The following SEPTIN2 variants were observed in gnomAD, a reference collection of about 807,000 sequenced individuals.
The protein encoded by SEPTIN2 is septin 2.
A neutral mutation model predicts 46.5 loss-of-function variants in SEPTIN2; 34 were observed. The observed-to-expected ratio is 0.73, with a 90% CI of 0.56 to 0.97. The LOEUF is 0.97. Ranked by LOEUF, SEPTIN2 falls within the 50% of genes least tolerant of loss-of-function variation. The probability of loss-of-function intolerance (pLI) is 0.00; values close to 1 mark genes in which losing one functional copy is unlikely to be tolerated. For missense variants in SEPTIN2, 347 were observed against 448.4 expected (o/e 0.77, Z 2.04); for synonymous variants, 175 against 153.4 (o/e 1.14, Z -1.04).
intron 2 of SEPTIN2, 76 bp downstream of exon 2, chr2:241,324,317 T>TA (rs1553679306): frequency 8.7e-7 from 1 of 1,152,974 alleles, no homozygotes; most frequent in Non-Finnish European, 1.3e-6. Flanking sequence ...AGTCGGGACT[T>TA]ATATGATTCA....
intron 3 of SEPTIN2, among the ~76,000 whole-genome samples, chr2:241,327,602 G>A (rs979189013): frequency 6.6e-6 from 1 of 150,844 alleles, no homozygotes; most frequent in African/African-American, 2.4e-5. Context: ...ACAAATACCA[G>A]GCAAAATAAA....
At chr2:241,324,382 AG>A in intron 2 of SEPTIN2, 141 bp downstream of exon 2, 1 of 609,286 alleles carries the variant, frequency 1.6e-6, no homozygotes, top group Non-Finnish European at 2.7e-6. Flanking sequence ...GTTCTAATTT[AG>A]TTGTCTTTTT....
rs1187679421 is a variant in SEPTIN2, at chr2:241,317,618, T to A, written c.-18+1636T>A. 4 of 949,352 alleles carry A rather than the reference T, an allele frequency of 4.2e-6. No homozygotes were observed. In the African/African-American group the frequency reaches 7.1e-5, roughly 17 times the overall value. The allele number at this position is 949,352 out of a possible 1,614,324, so 58.8% of individuals were successfully genotyped here. On this transcript the variant is annotated intron_variant, in intron 1 of 12. Transcript: ENST00000391971. ...AGGTGAGGTAAGGCCATTTGTATTG[T>A]CTGTTCTGTTAGTAGTCATACATGC...
chr2:241,326,179 A>G (rs2077933436), intron 3 of SEPTIN2, 66 bp downstream of exon 3: 4 of 1,468,362 alleles, frequency 2.7e-6, no homozygotes, highest in South Asian at 1.3e-5. Flanking sequence ...TCTCTGGAGT[A>G]TGATAACGTG....
Position 241,334,738 on chromosome 2 carries a change from A to G in SEPTIN2, c.131-388A>G, listed in dbSNP as rs567780822. 2.6e-5 allele frequency among the ~76,000 whole-genome samples: 4 copies of G among 152,348 alleles called. No homozygotes were observed. The South Asian group carries it at 8.3e-4, about 32-fold the overall frequency. Reference sequence around the variant, plus strand: ...GATAGATATGTTCAGTTTTCTGAAAATGTGGTGAGTTTAGTGACTAGCAGA... The same window carrying G: ...GATAGATATGTTCAGTTTTCTGAAAGTGTGGTGAGTTTAGTGACTAGCAGA... On this transcript the variant is annotated intron_variant, in intron 3 of 12. Transcript: ENST00000391971.
At chr2:241,330,482 CAT>C (rs1394408220) in intron 3 of SEPTIN2, among the ~76,000 whole-genome samples, 1 of 152,128 alleles carries the variant, frequency 6.6e-6, no homozygotes, top group African/African-American at 2.4e-5. Flanking sequence ...GTTGGAAAGT[CAT>C]AACACTACGT....
At chr2:241,345,848 C>G (rs2060183583) in intron 9 of SEPTIN2, among the ~76,000 whole-genome samples, 1 of 152,168 alleles carries the variant, frequency 6.6e-6, no homozygotes. Flanking sequence ...ACCTGAAAAT[C>G]TCTTAAAATC....
chr2:241,338,831 T>TACATATTATATTTATATTATTTATATATA (rs2080700866), intron 7 of SEPTIN2, among the ~76,000 whole-genome samples: 8 of 99,314 alleles, frequency 8.1e-5, no homozygotes, highest in South Asian at 2.4e-4. Flanking sequence ...TTATATATAA[T>TACATATTATATTTATATTATTTATATATA]ATATATAATA....
intron 9 of SEPTIN2, among the ~76,000 whole-genome samples, chr2:241,345,332 T>G (rs1318846070): frequency 2.0e-5 from 3 of 152,176 alleles, no homozygotes; most frequent in Non-Finnish European, 2.9e-5. Flanking sequence ...AATTTAATGG[T>G]TGTGTAAGAA....
intron 7 of SEPTIN2, among the ~76,000 whole-genome samples, chr2:241,338,695 T>A (rs1471371397): frequency 1.7e-5 from 2 of 116,644 alleles, no homozygotes; most frequent in South Asian, 4.6e-4. Context: ...ATGTAATATA[T>A]ATTATATTTA....
At chr2:241,347,062 C>T (rs1438472517) in intron 10 of SEPTIN2, among the ~76,000 whole-genome samples, 1 of 152,050 alleles carries the variant, frequency 6.6e-6, no homozygotes, top group Admixed American at 6.6e-5. Flanking sequence ...TGAGACCGGC[C>T]CTGGCAACAT....
chr2:241,330,926 T>G (rs1056724715), intron 3 of SEPTIN2, among the ~76,000 whole-genome samples: 3 of 152,198 alleles, frequency 2.0e-5, no homozygotes, highest in African/African-American at 7.2e-5. Context: ...TCCCAGCACT[T>G]TGGGAGCCCG....
intron 7 of SEPTIN2, among the ~76,000 whole-genome samples, chr2:241,342,298 A>G (rs745422411): frequency 1.3e-5 from 2 of 148,172 alleles, no homozygotes; most frequent in Non-Finnish European, 3.0e-5. Flanking sequence ...CTCTGCTTTT[A>G]AGACTCCTGC....
At chr2:241,326,141 T>C (rs769984943) in intron 3 of SEPTIN2, 28 bp downstream of exon 3, 30 of 1,591,074 alleles carry the variant, frequency 1.9e-5, no homozygotes, top group Non-Finnish European at 2.4e-5. Context: ...AGTCTCCAAC[T>C]TACTAAATAA....
chr2:241,343,959 G>T (rs1276581601), intron 9 of SEPTIN2, 62 bp downstream of exon 9: 2 of 1,586,936 alleles, frequency 1.3e-6, no homozygotes, highest in Non-Finnish European at 1.7e-6. Context: ...ATTTCAGACG[G>T]GGTGTACACT....
At chr2:241,318,352 C>T (rs1559583849) in intron 1 of SEPTIN2, 1 of 152,148 alleles carries the variant, frequency 6.6e-6, no homozygotes, top group East Asian at 1.9e-4. Flanking sequence ...AAGGTAAGTG[C>T]CTGCTCTTTT....
chr2:241,327,581 C>T (rs2078213222), intron 3 of SEPTIN2, among the ~76,000 whole-genome samples: 1 of 150,376 alleles, frequency 6.6e-6, no homozygotes, highest in Non-Finnish European at 1.5e-5. Context: ...TGCACAGATC[C>T]AAGAAGCTTG....
At chr2:241,323,794 A>G (rs557428817) in intron 1 of SEPTIN2, among the ~76,000 whole-genome samples, 1 of 152,338 alleles carries the variant, frequency 6.6e-6, no homozygotes, top group Non-Finnish European at 1.5e-5. Context: ...GCCAAACAGA[A>G]TTATAACATT....
intron 3 of SEPTIN2, among the ~76,000 whole-genome samples, chr2:241,332,816 A>G (rs1248136752): frequency 6.6e-6 from 1 of 152,256 alleles, no homozygotes; most frequent in East Asian, 1.9e-4. Context: ...CGTAGATGCA[A>G]CAACATGCAT....
Sources: allele counts gnomAD v4.1 joint callset (sites outside exome capture counted in the v4.1 genomes callset), GRCh38; gene constraint gnomAD v4.1.1; transcripts MANE v1.5; gene names NCBI Gene and HGNC (gene_info 2026-07-23, HGNC 2026-07-21).